Variants in DLG2 observed in about 807,000 individuals in gnomAD.
The protein encoded by DLG2 is disks large homolog 2.
In DLG2, 45 loss-of-function variants were observed where a neutral mutation model predicts 132.5. The ratio of observed to expected loss-of-function variants is 0.34; its 90% CI spans 0.27 to 0.44. DLG2 has a LOEUF of 0.44. Among genes scored for constraint, DLG2 ranks in the 20% least tolerant of loss-of-function variants. The probability of loss-of-function intolerance (pLI) is 1.00; values close to 1 mark genes in which losing one functional copy is unlikely to be tolerated. For synonymous variants in DLG2, 424 were observed against 419.6 expected, an observed-to-expected ratio of 1.01 and a Z score of -0.13; for missense variants, 1,045 against 1,196.9, an observed-to-expected ratio of 0.87 and a Z score of 1.87.
intron 6 of DLG2, among the ~76,000 whole-genome samples, chr11:84,546,321 T>A (rs1356346287): frequency 6.6e-6 from 1 of 152,176 alleles, no homozygotes; most frequent in Non-Finnish European, 1.5e-5. Context: ...GCCATGTCAG[T>A]CTGCTTCCTG....
intron 12 of DLG2, among the ~76,000 whole-genome samples, 186 bp from the exon 13 acceptor site, chr11:83,965,654 G>T (rs1418429546): frequency 6.6e-6 from 1 of 151,864 alleles, no homozygotes; most frequent in Non-Finnish European, 1.5e-5. Flanking sequence ...AAATAAGGTT[G>T]CTTCTGCCTT....
chr11:83,653,930 T>C (rs1467207552), intron 18 of DLG2, among the ~76,000 whole-genome samples: 1 of 152,070 alleles, frequency 6.6e-6, no homozygotes, highest in Non-Finnish European at 1.5e-5. Flanking sequence ...ATGTTGGCCA[T>C]GCTCGTCTCA....
chr11:85,331,582 G>T (rs2081750742), intron 3 of DLG2, among the ~76,000 whole-genome samples: 1 of 152,126 alleles, frequency 6.6e-6, no homozygotes, highest in Non-Finnish European at 1.5e-5. Context: ...TAAGCATAGT[G>T]CCTGATAGGT....
At chr11:85,187,882 T>G (rs2080237493) in intron 4 of DLG2, among the ~76,000 whole-genome samples, 2 of 152,106 alleles carry the variant, frequency 1.3e-5, no homozygotes, top group Non-Finnish European at 2.9e-5. Flanking sequence ...GTTGTAGTGC[T>G]GGTTGGGGCA....
At chr11:85,322,601 T>A (rs1489113923) in intron 3 of DLG2, among the ~76,000 whole-genome samples, 2 of 152,142 alleles carry the variant, frequency 1.3e-5, no homozygotes, top group African/African-American at 4.8e-5. Context: ...AAACCTCTCT[T>A]ATTACTTTGA....
Position 85,346,967 on chromosome 11 carries a change from C to A in DLG2, c.41-61602G>T, listed in dbSNP as rs2082892607. 1.3e-5 allele frequency among the ~76,000 whole-genome samples: 2 copies of A among 151,990 alleles called. 1 individual carries two copies. The highest frequency in any genetic ancestry group is 4.1e-4 in the South Asian group (2 of 4,826). Reference sequence around the variant, plus strand: ...CTCTGGCCAAGGGTCAGGATAAAGACTTCACAGAAGTAGAGAAAGGAATCA... The same window carrying A: ...CTCTGGCCAAGGGTCAGGATAAAGAATTCACAGAAGTAGAGAAAGGAATCA... On this transcript the variant is annotated intron_variant, in intron 3 of 27. Coordinates refer to ENST00000376104, the MANE Select transcript of DLG2 (RefSeq NM_001142699.3).
intron 21 of DLG2, among the ~76,000 whole-genome samples, chr11:83,511,087 GACACACACACAC>G (rs60156321): frequency 1.4e-5 from 2 of 138,552 alleles, no homozygotes; most frequent in Non-Finnish European, 3.1e-5. Flanking sequence ...CACACACACA[GACACACACACAC>G]ACACACACAC....
intron 18 of DLG2, among the ~76,000 whole-genome samples, chr11:83,670,934 G>T (rs1170492850): frequency 1.3e-5 from 2 of 152,134 alleles, no homozygotes; most frequent in Non-Finnish European, 2.9e-5. Context: ...ATTCTAGGCT[G>T]CTGTGTCTCA....
At chr11:84,244,422 T>C (rs1050794549) in intron 8 of DLG2, among the ~76,000 whole-genome samples, 1 of 152,090 alleles carries the variant, frequency 6.6e-6, no homozygotes, top group Non-Finnish European at 1.5e-5. Flanking sequence ...CTGACCTCAG[T>C]TGATCCACCC....
At chr11:85,189,285 C>G (rs995410195) in intron 4 of DLG2, among the ~76,000 whole-genome samples, 1 of 152,046 alleles carries the variant, frequency 6.6e-6, no homozygotes, top group African/African-American at 2.4e-5. Context: ...TAAAGTCATT[C>G]CCAGATGAAC....
intron 8 of DLG2, among the ~76,000 whole-genome samples, chr11:84,240,310 T>C (rs2097210067): frequency 6.6e-6 from 1 of 152,200 alleles, no homozygotes; most frequent in Non-Finnish European, 1.5e-5. Flanking sequence ...CTAGGGACTG[T>C]CATATATGAA....
At chr11:85,624,255 C>G (rs1200555599) in intron 2 of DLG2, among the ~76,000 whole-genome samples, 1 of 152,174 alleles carries the variant, frequency 6.6e-6, no homozygotes, top group African/African-American at 2.4e-5. Context: ...TAGAAATGGG[C>G]TTAGTGAGAT....
chr11:83,864,547 T>C (rs2061975785), intron 16 of DLG2, among the ~76,000 whole-genome samples: 1 of 152,204 alleles, frequency 6.6e-6, no homozygotes. Flanking sequence ...TTACCAAATG[T>C]GATCCATTGG....
At chr11:84,875,204 G>A (rs1333729791) in intron 6 of DLG2, among the ~76,000 whole-genome samples, 5 of 152,016 alleles carry the variant, frequency 3.3e-5, no homozygotes, top group Non-Finnish European at 7.4e-5. Flanking sequence ...ACTTAGTTAT[G>A]GATACATTGG....
Position 84,922,945 on chromosome 11 carries a change from T to C in DLG2, c.357+188716A>G, listed in dbSNP as rs1384054135. 8 of 1,132,290 alleles carry C rather than the reference T, an allele frequency of 7.1e-6. No homozygotes were observed. The Admixed American group carries it at 8.0e-5, about 11-fold the overall frequency. 70.1% of individuals were successfully genotyped at this position (1,132,290 alleles called of 1,614,324 possible). A position where few individuals can be genotyped will look rare whatever the true frequency, so the allele number is the denominator to read the frequency against. ...TGCACGGCAACAATAAAACAAAGCC[T>C]TTGCAACCACCTGTAATAATCTGCC... On this transcript the variant is annotated intron_variant, in intron 6 of 27. Coordinates refer to ENST00000376104, the MANE Select transcript of DLG2 (RefSeq NM_001142699.3).
chr11:83,885,827 A>G (rs2067703751), intron 15 of DLG2, among the ~76,000 whole-genome samples: 1 of 152,182 alleles, frequency 6.6e-6, no homozygotes, highest in Non-Finnish European at 1.5e-5. Context: ...TTCAACCCAG[A>G]ATTTCATATC....
intron 10 of DLG2, among the ~76,000 whole-genome samples, chr11:84,095,754 C>A (rs1362618512): frequency 3.3e-5 from 5 of 152,178 alleles, no homozygotes; most frequent in African/African-American, 1.2e-4. Flanking sequence ...CTGCCAAATA[C>A]TGAAAATTAT....
chr11:83,895,678 C>A (rs748315598), intron 15 of DLG2, among the ~76,000 whole-genome samples: 1 of 152,300 alleles, frequency 6.6e-6, no homozygotes, highest in Admixed American at 6.5e-5. Context: ...TTTACCCAGC[C>A]TGCTGCTATT....
chr11:85,505,548 C>G (rs1328996287), intron 3 of DLG2, among the ~76,000 whole-genome samples: 1 of 152,160 alleles, frequency 6.6e-6, no homozygotes, highest in African/African-American at 2.4e-5. Flanking sequence ...TTGAACCAGC[C>G]TTGCATCCCA....
Sources: gnomAD v4.1 joint callset for allele counts (sites outside exome capture counted in the v4.1 genomes callset) on GRCh38, gnomAD v4.1.1 for gene constraint, MANE v1.5 for transcripts, NCBI Gene and HGNC (gene_info 2026-07-23, HGNC 2026-07-21) for gene names.